Variants in RBM38 observed in about 807,000 individuals in gnomAD.
RBM38 encodes the protein RNA-binding protein 38.
RBM38 carries 11 observed loss-of-function variants against 23.5 expected under a neutral mutation model. The observed-to-expected ratio is 0.47, with a 90% CI of 0.29 to 0.77. The LOEUF (loss-of-function observed/expected upper bound fraction) is 0.77, where lower values mean the gene tolerates loss of function less well. Ranked by LOEUF, RBM38 falls within the 30% of genes least tolerant of loss-of-function variation. The pLI is 0.08. For synonymous variants in RBM38, 165 were observed against 166.1 expected (o/e 0.99, Z 0.05); for missense variants, 330 against 351.9 (o/e 0.94, Z 0.50).
chr20:57,392,795 C>G lies in RBM38; in HGVS notation c.361+18C>G. ...CCAGACGGGTGAGAGCTTGTGTTTT[C>G]CTGCCTGGCTCTTCTCGGTTTCTAT... On this transcript the variant is annotated intron_variant, in intron 2 of 3. Coordinates refer to ENST00000356208, the MANE Select transcript of RBM38 (RefSeq NM_017495.6). 6.2e-7 allele frequency: 1 copy of G among 1,609,796 alleles called. No homozygotes were observed.
chr20:57,401,128 C>G (rs1568810683), intron 3 of RBM38, among the ~76,000 whole-genome samples: 1 of 152,222 alleles, frequency 6.6e-6, no homozygotes, highest in Admixed American at 6.5e-5. Context: ...GCTGCTGCCC[C>G]CTGACCTGGG....
chr20:57,399,386 C>T (rs2067305563), intron 3 of RBM38, among the ~76,000 whole-genome samples: 1 of 152,162 alleles, frequency 6.6e-6, no homozygotes, highest in Non-Finnish European at 1.5e-5. Context: ...GCCCAGTAAT[C>T]CAGGCATGAG....
chr20:57,402,996 G>T (rs1475037727), intron 3 of RBM38, among the ~76,000 whole-genome samples: 2 of 152,222 alleles, frequency 1.3e-5, no homozygotes, highest in African/African-American at 2.4e-5. Flanking sequence ...CTTTAGGACG[G>T]CATCGTTCTT....
At chr20:57,394,638 A>G (rs1442400591) in intron 3 of RBM38, among the ~76,000 whole-genome samples, 1 of 151,800 alleles carries the variant, frequency 6.6e-6, no homozygotes, top group African/African-American at 2.4e-5. Context: ...CTCGTCCTGG[A>G]ATCTGTTTTG....
At chr20:57,395,746 C>T (rs977335644) in intron 3 of RBM38, among the ~76,000 whole-genome samples, 1 of 152,084 alleles carries the variant, frequency 6.6e-6, no homozygotes, top group African/African-American at 2.4e-5. Flanking sequence ...CCCCAGCCCC[C>T]GCCCGCTGAC....
intron 3 of RBM38, among the ~76,000 whole-genome samples, chr20:57,396,704 C>T (rs6123696): frequency 6.6e-6 from 1 of 152,332 alleles, no homozygotes; most frequent in East Asian, 1.9e-4. Flanking sequence ...GTAGCATTGC[C>T]TCGCCCAAGT....
intron 2 of RBM38, 177 bp from the exon 3 acceptor site, chr20:57,393,102 C>A: frequency 2.9e-6 from 2 of 686,288 alleles, no homozygotes; most frequent in Non-Finnish European, 2.5e-6. Context: ...TCACTCACTG[C>A]CACACTTCAG....
chr20:57,396,533 G>A (rs1391793880), intron 3 of RBM38, among the ~76,000 whole-genome samples: 5 of 152,216 alleles, frequency 3.3e-5, no homozygotes, highest in African/African-American at 1.2e-4. Flanking sequence ...CCTCTCCTTG[G>A]GTTATTTTTG....
At chr20:57,404,834 A>T (rs1292247466) in intron 3 of RBM38, among the ~76,000 whole-genome samples, 3 of 152,234 alleles carry the variant, frequency 2.0e-5, no homozygotes. Context: ...AGGCAGAGGC[A>T]TTGGCAGGTG....
At chr20:57,404,796 G>C (rs1273647501) in intron 3 of RBM38, among the ~76,000 whole-genome samples, 2 of 152,270 alleles carry the variant, frequency 1.3e-5, no homozygotes, top group African/African-American at 4.8e-5. Flanking sequence ...CTCCATGTGG[G>C]GTTGGGCCTC....
chr20:57,391,912 C>G (rs1287641068), intron 1 of RBM38, 94 bp downstream of exon 1: 6 of 895,264 alleles, frequency 6.7e-6, no homozygotes, highest in Non-Finnish European at 7.3e-6. Flanking sequence ...CCAGACGGCC[C>G]GCTGCCGCCC....
chr20:57,399,655 G>A (rs550872964), intron 3 of RBM38, among the ~76,000 whole-genome samples: 1 of 152,208 alleles, frequency 6.6e-6, no homozygotes, highest in Non-Finnish European at 1.5e-5. Flanking sequence ...CAGAGAGGGC[G>A]TTCGACCTGT....
Position 57,407,982 on chromosome 20 carries a change from G to T in RBM38, c.*136G>T. 1 of 1,103,380 alleles carries T rather than the reference G, an allele frequency of 9.1e-7. No homozygotes were observed. The highest frequency in any genetic ancestry group is 1.3e-6 in the Non-Finnish European group (1 of 788,790). The allele number at this position is 1,103,380 out of a possible 1,614,324, so 68.3% of individuals were successfully genotyped here. ...GCACCCGTGCCTCCGAAGACCGCTC[G>T]GGCATTCCGCCTGCGCCCTGGGACA... is the stretch of plus-strand genomic sequence containing the variant. On this transcript the variant is annotated 3_prime_UTR_variant, in exon 4 of 4. Coordinates refer to ENST00000356208, the MANE Select transcript of RBM38 (RefSeq NM_017495.6). The surrounding 1 kb of genome is among the most constrained non-coding windows in gnomAD (Gnocchi z 4.0).
intron 3 of RBM38, among the ~76,000 whole-genome samples, chr20:57,400,323 C>T (rs945525767): frequency 1.6e-4 from 24 of 152,250 alleles, no homozygotes; most frequent in East Asian, 1.4e-3. Flanking sequence ...GCCTGGGCCA[C>T]GTGTGAACGG....
rs746215170 is a variant in RBM38, at chr20:57,407,800, T to A, written c.674T>A (p.Phe225Tyr). Residue 225 changes from phenylalanine (F) to tyrosine (Y), a missense_variant, in exon 4 of 4, where the codon TTC (phenylalanine) becomes TAC (tyrosine). This residue lies in a region of RBM38 where 227 missense variants were observed against 216.4 expected (regional missense o/e 1.05). Coordinates refer to ENST00000356208, the MANE Select transcript of RBM38 (RefSeq NM_017495.6). This position sits in a 1 kb window ranked among gnomAD's most constrained non-coding sequence, Gnocchi z 4.0. ...LSAAAPAGTT[F>Y]VQYQAPQLQP... ...GCCGCAGCACCCGCGGGCACCACTT[T>A]CGTGCAGTACCAGGCGCCGCAGCTG... is the stretch of plus-strand genomic sequence containing the variant. 2 of 1,598,928 alleles carry A rather than the reference T, an allele frequency of 1.3e-6. No individual in the cohort carries two copies. The highest frequency in any genetic ancestry group is 3.4e-5 in the Admixed American group (2 of 58,162).
At chr20:57,397,564 C>G (rs1301598119) in intron 3 of RBM38, among the ~76,000 whole-genome samples, 2 of 152,220 alleles carry the variant, frequency 1.3e-5, no homozygotes, top group Non-Finnish European at 2.9e-5. Flanking sequence ...GCTGCCCTTA[C>G]CATCACGGGG....
chr20:57,404,907 G>T (rs1288492318), intron 3 of RBM38, among the ~76,000 whole-genome samples: 1 of 152,242 alleles, frequency 6.6e-6, no homozygotes, highest in African/African-American at 2.4e-5. Flanking sequence ...CGGCACCAGG[G>T]TGGACCTGGG....
chr20:57,392,847 A>G, intron 2 of RBM38, 70 bp downstream of exon 2: 1 of 1,568,582 alleles, frequency 6.4e-7, no homozygotes, highest in South Asian at 1.2e-5. Flanking sequence ...TGTCGGGTGG[A>G]AAGAGGCCCC....
intron 1 of RBM38, 41 bp from the exon 2 acceptor site, chr20:57,392,613 T>A (rs2067231691): frequency 6.3e-7 from 1 of 1,583,508 alleles, no homozygotes; most frequent in Non-Finnish European, 8.6e-7. Flanking sequence ...TCGCCCCTGG[T>A]TCCCCCCACG....
Sources: allele counts gnomAD v4.1 joint callset (sites outside exome capture counted in the v4.1 genomes callset), GRCh38; gene constraint gnomAD v4.1.1; regional missense constraint gnomAD v4.1.1; non-coding constraint Gnocchi (gnomAD v3.1); transcripts MANE v1.5; gene names NCBI Gene and HGNC (gene_info 2026-07-23, HGNC 2026-07-21).